SNX29: variants seen among roughly 807,000 people sequenced by gnomAD.
SNX29 encodes sorting nexin 29, also known as sorting nexin-29.
In SNX29, 78 loss-of-function variants were observed where a neutral mutation model predicts 102.1. That is an observed-to-expected ratio of 0.76 (90% CI 0.64 to 0.92). The LOEUF is 0.92. Among genes scored for constraint, SNX29 ranks in the 40% least tolerant of loss-of-function variants. The pLI is 0.00. For synonymous variants in SNX29, 580 were observed against 414.5 expected (o/e 1.40, Z -4.85); for missense variants, 1,280 against 1,061.7 (o/e 1.21, Z -2.86).
intron 13 of SNX29, among the ~76,000 whole-genome samples, chr16:12,162,854 C>G (rs547208837): frequency 6.6e-6 from 1 of 152,088 alleles, no homozygotes; most frequent in Non-Finnish European, 1.5e-5. Flanking sequence ...CCGGCAAGCA[C>G]GTGTTTATCA....
At chr16:11,994,473 C>T (rs192753316) in intron 1 of SNX29, among the ~76,000 whole-genome samples, 3 of 152,220 alleles carry the variant, frequency 2.0e-5, no homozygotes, top group Admixed American at 1.3e-4. Context: ...TGATGGAGGT[C>T]GAGGGTGAGC....
chr16:12,022,832 C>T (rs1005040943), intron 3 of SNX29, among the ~76,000 whole-genome samples: 19 of 151,616 alleles, frequency 1.3e-4, no homozygotes, highest in South Asian at 1.2e-3. Flanking sequence ...GATGTGGCTT[C>T]CTTCCTCTAG....
chr16:12,030,830 G>A (rs2057319892), intron 4 of SNX29, among the ~76,000 whole-genome samples: 1 of 152,140 alleles, frequency 6.6e-6, no homozygotes, highest in Admixed American at 6.5e-5. Flanking sequence ...ATGCCGTGCT[G>A]TATGCCAGGG....
At chr16:12,515,881 C>G (rs922024819) in intron 19 of SNX29, among the ~76,000 whole-genome samples, 1 of 152,080 alleles carries the variant, frequency 6.6e-6, no homozygotes, top group African/African-American at 2.4e-5. Context: ...ATCTGTAACT[C>G]GATGGTGCAC....
chr16:12,512,898 T>C (rs1162550488), intron 19 of SNX29, among the ~76,000 whole-genome samples: 2 of 152,088 alleles, frequency 1.3e-5, no homozygotes, highest in Non-Finnish European at 2.9e-5. Context: ...TCCTCCCTCC[T>C]TCCCAGTCCG....
In SNX29 at chr16:12,397,478, A is replaced by G. The variant is rs546693184; in HGVS notation, c.1900-968A>G. On this transcript the variant is annotated intron_variant, in intron 16 of 20. Coordinates refer to ENST00000566228, the MANE Select transcript of SNX29 (RefSeq NM_032167.5). ...AGGTTCACTGTGAAGCTTGCTGGGG[A>G]TTGTGGGGAGTGTGGAAACCCTGAG... is the stretch of plus-strand genomic sequence containing the variant. Among the ~76,000 whole-genome samples, 9 of 152,120 alleles carry G rather than the reference A, an allele frequency of 5.9e-5. No individual in the cohort carries two copies. The East Asian group carries it at 1.7e-3, about 29-fold the overall frequency.
intron 4 of SNX29, among the ~76,000 whole-genome samples, chr16:12,032,588 G>A (rs1336316044): frequency 2.0e-5 from 3 of 151,800 alleles, no homozygotes; most frequent in East Asian, 1.9e-4. Context: ...ATGACAGTTG[G>A]GTGTCTTCCA....
At chr16:12,532,743 G>C (rs1567663503) in intron 20 of SNX29, among the ~76,000 whole-genome samples, 2 of 152,160 alleles carry the variant, frequency 1.3e-5, no homozygotes, top group Non-Finnish European at 2.9e-5. Flanking sequence ...GGCCTTGGAT[G>C]GAAGCTGGGG....
chr16:12,453,416 A>G (rs953180357), intron 18 of SNX29, among the ~76,000 whole-genome samples: 1 of 152,092 alleles, frequency 6.6e-6, no homozygotes, highest in African/African-American at 2.4e-5. Context: ...ACATCATATA[A>G]CCCCAATTTA....
At chr16:12,075,990 C>G (rs1018052098) in intron 10 of SNX29, among the ~76,000 whole-genome samples, 3 of 152,248 alleles carry the variant, frequency 2.0e-5, no homozygotes, top group Non-Finnish European at 4.4e-5. Flanking sequence ...ATATAATCTC[C>G]TCACGCGCTG....
intron 14 of SNX29, among the ~76,000 whole-genome samples, chr16:12,244,029 C>T (rs1318182459): frequency 6.6e-6 from 1 of 152,134 alleles, no homozygotes; most frequent in African/African-American, 2.4e-5. Flanking sequence ...GATCATCAGG[C>T]ATTAGATTTT....
At chr16:12,280,668 C>G (rs927478677) in intron 15 of SNX29, among the ~76,000 whole-genome samples, 10 of 152,174 alleles carry the variant, frequency 6.6e-5, no homozygotes, top group African/African-American at 2.4e-5. Context: ...GTTGCAAAGA[C>G]AGGTTCTGCC....
chr16:12,351,312 C>T (rs1458709193), intron 15 of SNX29, among the ~76,000 whole-genome samples: 1 of 152,208 alleles, frequency 6.6e-6, no homozygotes, highest in African/African-American at 2.4e-5. Flanking sequence ...TCAGGCCCCT[C>T]CCCACAACCA....
chr16:12,392,436 T>G (rs1395935321), intron 16 of SNX29, among the ~76,000 whole-genome samples: 2 of 152,314 alleles, frequency 1.3e-5, no homozygotes, highest in East Asian at 1.9e-4. Flanking sequence ...TCCCACCCTT[T>G]CCCTGCTCCA....
intron 3 of SNX29, among the ~76,000 whole-genome samples, chr16:12,020,882 C>T (rs1320962542): frequency 1.3e-5 from 2 of 152,200 alleles, no homozygotes; most frequent in African/African-American, 4.8e-5. Context: ...TCTCGGCCTC[C>T]CAAAGTGCTG....
At position 12,569,737 on chromosome 16, in the gene SNX29, G is replaced by C. The variant is rs1384618562; in HGVS notation, c.*1108G>C. The C allele has an allele frequency of 4.3e-6, 1 of 230,432 alleles. No individual in the cohort carries two copies. The highest frequency in any genetic ancestry group is 8.6e-6 in the Non-Finnish European group (1 of 116,444). The allele number at this position is 230,432 out of a possible 1,614,324, so 14.3% of individuals were successfully genotyped here. A position where few individuals can be genotyped will look rare whatever the true frequency, so the allele number is the denominator to read the frequency against. On this transcript the variant is annotated 3_prime_UTR_variant, in exon 21 of 21. Coordinates refer to ENST00000566228, the MANE Select transcript of SNX29 (RefSeq NM_032167.5). Reference sequence around the variant, plus strand: ...GGACCAGCAGCTGGGCAGCCCCCAGGGCTCCTCCTCCAGTGAGCTCACATC... The same window carrying C: ...GGACCAGCAGCTGGGCAGCCCCCAGCGCTCCTCCTCCAGTGAGCTCACATC...
chr16:12,193,720 CTTG>C (rs1352471705), intron 13 of SNX29, among the ~76,000 whole-genome samples: 1 of 152,010 alleles, frequency 6.6e-6, no homozygotes, highest in Non-Finnish European at 1.5e-5. Context: ...ATATGAATGT[CTTG>C]TTGTTCCAAA....
chr16:12,471,679 G>C (rs538835035), intron 18 of SNX29, among the ~76,000 whole-genome samples: 1 of 152,366 alleles, frequency 6.6e-6, no homozygotes, highest in African/African-American at 2.4e-5. Flanking sequence ...CCCGAGGACA[G>C]CGAAGGCAGG....
At chr16:12,419,165 C>A (rs946043796) in intron 18 of SNX29, among the ~76,000 whole-genome samples, 1 of 152,234 alleles carries the variant, frequency 6.6e-6, no homozygotes, top group South Asian at 2.1e-4. Context: ...TTCTCCCTGT[C>A]CTTGTGCTTG....
Sources: allele counts gnomAD v4.1 joint callset (sites outside exome capture counted in the v4.1 genomes callset), GRCh38; gene constraint gnomAD v4.1.1; transcripts MANE v1.5; gene names NCBI Gene and HGNC (gene_info 2026-07-23, HGNC 2026-07-21).